PIWIL3: variants seen among roughly 807,000 people sequenced by gnomAD.
The protein encoded by PIWIL3 is piwi like RNA-mediated gene silencing 3.
In PIWIL3, 101 loss-of-function variants were observed where a neutral mutation model predicts 109.7. That is an observed-to-expected ratio of 0.92 (90% CI 0.78 to 1.09). PIWIL3 has a LOEUF of 1.09. PIWIL3 is among the 50% of genes least tolerant of loss of function. PIWIL3 has a pLI of 0.00. For synonymous variants in PIWIL3, 373 were observed against 376.4 expected (o/e 0.99, Z 0.10); for missense variants, 1,031 against 1,072.6 (o/e 0.96, Z 0.54).
rs563692427 is a variant in PIWIL3 at position 24,725,534 on chromosome 22, C to A, written c.2010-19G>T. 6.2e-7 allele frequency: 1 copy of A among 1,612,902 alleles called. No individual in the cohort carries two copies. The highest frequency in any genetic ancestry group is 8.5e-7 in the Non-Finnish European group (1 of 1,179,272). ...GTACCACCTGTTCACAGAAAAACCA[C>A]CAGTTTGGAAAACAAGATTCTTAAA... On this transcript the variant is annotated intron_variant, in intron 16 of 20. Coordinates refer to ENST00000616349, the MANE Select transcript of PIWIL3 (RefSeq NM_001255975.1).
chr22:24,724,128 C>T (rs1358056442), intron 18 of PIWIL3, among the ~76,000 whole-genome samples: 3 of 152,134 alleles, frequency 2.0e-5, no homozygotes, highest in South Asian at 2.1e-4. Context: ...GCGTGTGGAA[C>T]GTAAAATCAA....
At chr22:24,747,694 T>C (rs1038863240) in intron 12 of PIWIL3, among the ~76,000 whole-genome samples, 2 of 152,134 alleles carry the variant, frequency 1.3e-5, no homozygotes, top group African/African-American at 4.8e-5. Flanking sequence ...AAAGTGCTGA[T>C]ATCAATGATC....
At chr22:24,721,739 C>G (rs150293745) in intron 19 of PIWIL3, among the ~76,000 whole-genome samples, 1 of 152,136 alleles carries the variant, frequency 6.6e-6, no homozygotes, top group Non-Finnish European at 1.5e-5. Context: ...GATATTCTTA[C>G]GGCCTTTATT....
chr22:24,725,913 G>A (rs1470809213), intron 16 of PIWIL3, among the ~76,000 whole-genome samples: 1 of 152,138 alleles, frequency 6.6e-6, no homozygotes, highest in African/African-American at 2.4e-5. Context: ...GCTTTGGAAT[G>A]GTGGCAGCTG....
At chr22:24,760,780 C>CAAAAAAAAAAAAAAAAAAAAAAGAAAA (rs1925383651) in intron 2 of PIWIL3, among the ~76,000 whole-genome samples, 1 of 41,030 alleles carries the variant, frequency 2.4e-5, no homozygotes, top group African/African-American at 9.4e-5. Flanking sequence ...AACTCTGTCT[C>CAAAAAAAAAAAAAAAAAAAAAAGAAAA]AAAAAAAAAA....
intron 14 of PIWIL3, among the ~76,000 whole-genome samples, chr22:24,729,283 A>C (rs902703836): frequency 6.6e-6 from 1 of 151,456 alleles, no homozygotes; most frequent in Non-Finnish European, 1.5e-5. Flanking sequence ...CTCCAACCTT[A>C]CTCTTGGTGT....
intron 12 of PIWIL3, among the ~76,000 whole-genome samples, chr22:24,738,676 G>A (rs567413341): frequency 4.0e-4 from 61 of 152,320 alleles, no homozygotes; most frequent in Middle Eastern, 3.4e-3. Flanking sequence ...TGCTTGGAAT[G>A]TCCCCTGATG....
chr22:24,749,866 A>G (rs768899418), intron 9 of PIWIL3, 47 bp from the exon 10 acceptor site: 9 of 1,613,750 alleles, frequency 5.6e-6, no homozygotes, highest in African/African-American at 1.3e-5. Context: ...GAAACCTTAG[A>G]AACATCACAC....
chr22:24,741,790 G>A (rs934579846), intron 12 of PIWIL3, among the ~76,000 whole-genome samples: 2 of 152,032 alleles, frequency 1.3e-5, no homozygotes, highest in Non-Finnish European at 2.9e-5. Context: ...TCATTCAGGA[G>A]CAGGTTAACG....
chr22:24,744,485 A>C (rs1924235517), intron 12 of PIWIL3, among the ~76,000 whole-genome samples: 1 of 152,172 alleles, frequency 6.6e-6, no homozygotes, highest in African/African-American at 2.4e-5. Flanking sequence ...AGGCAGGAGA[A>C]TCGCTTGAAC....
At position 24,719,793 on chromosome 22, in the gene PIWIL3, T is replaced by C; in HGVS notation, c.2460A>G (p.Val820=). 6.2e-7 allele frequency: 1 copy of C among 1,613,332 alleles called. No homozygotes were observed. The highest frequency in any genetic ancestry group is 8.5e-7 in the Non-Finnish European group (1 of 1,179,252). ...GGCATAGACAATATGTTAAACGCTG[T>C]ACTGTATCTGGGCTCAAGCCAATCG... The part of the protein sequence containing the change: ...YDTIGLSPDT[V]QRLTYCLCHM... Residue 820 remains valine (V), a synonymous_variant, in exon 20 of 21, where the codon GTA becomes GTG. Transcript: ENST00000616349.
intron 17 of PIWIL3, 38 bp downstream of exon 17, chr22:24,725,407 T>C (rs761291193): frequency 5.0e-6 from 8 of 1,607,318 alleles, no homozygotes. Flanking sequence ...GAACTACTTG[T>C]ATAGTGTCGG....
intron 14 of PIWIL3, among the ~76,000 whole-genome samples, chr22:24,729,741 G>GGT (rs1236810502): frequency 6.6e-6 from 1 of 152,086 alleles, no homozygotes; most frequent in African/African-American, 2.4e-5. Flanking sequence ...CACATGAAAG[G>GGT]GTGTAGAATT....
chr22:24,755,118 C>T (rs961727242), intron 6 of PIWIL3, among the ~76,000 whole-genome samples: 2 of 152,136 alleles, frequency 1.3e-5, no homozygotes, highest in Admixed American at 6.5e-5. Context: ...ACTAAGGTCT[C>T]TTTTTCAAAC....
At chr22:24,743,667 G>A (rs184485165) in intron 12 of PIWIL3, among the ~76,000 whole-genome samples, 7 of 152,236 alleles carry the variant, frequency 4.6e-5, no homozygotes, top group East Asian at 1.9e-4. Flanking sequence ...TGGGGACTGC[G>A]GGGAAGGATG....
Position 24,734,156 on chromosome 22 carries a change from C to T in PIWIL3, c.1635G>A (p.Met545Ile), listed in dbSNP as rs777059494. Residue 545 changes from methionine to isoleucine, a missense_variant and splice_region_variant, in exon 14 of 21, where the codon ATG (methionine) becomes ATA (isoleucine). By Grantham distance (10) the Met-to-Ile change is conservative. Coordinates refer to ENST00000616349, the MANE Select transcript of PIWIL3 (RefSeq NM_001255975.1). ...AGTTAGCATCACCATCTACTTCAATCCTAAAAAATAAATATAGCATCCACA... is the reference window on the plus strand; with the variant it reads ...AGTTAGCATCACCATCTACTTCAATTCTAAAAAATAAATATAGCATCCACA... ...PMGITMKPAE[M>I]IEVDGDANSY... 4 of 1,610,308 alleles carry T rather than the reference C, an allele frequency of 2.5e-6. No homozygotes were observed. The highest frequency in any genetic ancestry group is 4.5e-5 in the East Asian group (2 of 44,758).
At chr22:24,740,479 C>A (rs1923938035) in intron 12 of PIWIL3, among the ~76,000 whole-genome samples, 2 of 142,272 alleles carry the variant, frequency 1.4e-5, no homozygotes, top group African/African-American at 2.6e-5. Context: ...ACCCGGGAGG[C>A]AGAGTTTGCA....
In PIWIL3 at chr22:24,749,457, C is replaced by T. The variant is rs1924572008; in HGVS notation, c.1281G>A (p.Leu427=). ...IVKELAKHTR[L]SPRRRHHTLK... ...ATGTATGATGCCTTCTTCTTGGACT[C>T]AATCTTGTATGTTTAGCCAATTCTT... The change falls in exon 11 of 21, where the codon TTG becomes TTA. Residue 427 remains leucine, a synonymous_variant. Coordinates refer to ENST00000616349, the MANE Select transcript of PIWIL3 (RefSeq NM_001255975.1). The T allele has an allele frequency of 6.2e-7, 1 of 1,613,682 alleles. No homozygotes were observed. Among genetic ancestry groups the T allele is most frequent in the South Asian group, 1.1e-5 (1 of 91,070 alleles).
chr22:24,762,108 G>T, intron 2 of PIWIL3: 1 of 930,154 alleles, frequency 1.1e-6, no homozygotes, highest in Non-Finnish European at 1.4e-6. Flanking sequence ...CACTTCCAAA[G>T]AGGAGTCATT....
Sources: gnomAD v4.1 joint callset for allele counts (sites outside exome capture counted in the v4.1 genomes callset) on GRCh38, gnomAD v4.1.1 for gene constraint, MANE v1.5 for transcripts, NCBI Gene and HGNC (gene_info 2026-07-23, HGNC 2026-07-21) for gene names.